The following ANO3 variants were observed in gnomAD, a reference collection of about 807,000 sequenced individuals.
ANO3 encodes anoctamin-3.
ANO3 carries 99 observed loss-of-function variants against 144.8 expected under a neutral mutation model. The ratio of observed to expected loss-of-function variants is 0.68; its 90% CI spans 0.58 to 0.81. The LOEUF (loss-of-function observed/expected upper bound fraction) is 0.81. ANO3 is among the 30% of genes least tolerant of loss of function. The pLI is 0.00. For synonymous variants in ANO3, 414 were observed against 392.6 expected (o/e 1.05, Z -0.64); for missense variants, 905 against 1,202.2 (o/e 0.75, Z 3.66).
At chr11:26,485,993 T>A (rs1269577341) in intron 4 of ANO3, among the ~76,000 whole-genome samples, 1 of 152,000 alleles carries the variant, frequency 6.6e-6, no homozygotes, top group African/African-American at 2.4e-5. Context: ...AACAAGTCAA[T>A]GAAAAATAAC....
intron 1 of ANO3, among the ~76,000 whole-genome samples, chr11:26,366,723 G>T (rs1255331266): frequency 3.3e-5 from 5 of 151,478 alleles, no homozygotes; most frequent in African/African-American, 1.2e-4. Context: ...TTTCTCTGAT[G>T]GCCAGTGATG....
chr11:26,450,748 A>G (rs556945160), intron 3 of ANO3, among the ~76,000 whole-genome samples: 1 of 151,362 alleles, frequency 6.6e-6, no homozygotes, highest in Non-Finnish European at 1.5e-5. Context: ...AAATTAGACA[A>G]TATTTGTCAG....
At chr11:26,519,805 AC>A (rs773161781) in intron 6 of ANO3, among the ~76,000 whole-genome samples, 1 of 152,150 alleles carries the variant, frequency 6.6e-6, no homozygotes, top group Non-Finnish European at 1.5e-5. Context: ...TGTTTGCCTT[AC>A]CCCTAATATT....
At chr11:26,257,609 T>G (rs1014512916) in intron 1 of ANO3, among the ~76,000 whole-genome samples, 1 of 152,084 alleles carries the variant, frequency 6.6e-6, no homozygotes, top group Non-Finnish European at 1.5e-5. Flanking sequence ...ACTTTAAAAT[T>G]TTAAAGTACC....
At chr11:26,479,104 A>G (rs1860099661) in intron 4 of ANO3, among the ~76,000 whole-genome samples, 1 of 152,200 alleles carries the variant, frequency 6.6e-6, no homozygotes, top group African/African-American at 2.4e-5. Context: ...GTAGAGTAAG[A>G]ATCCTGACAG....
chr11:26,214,380 A>G (rs1208899626), intron 1 of ANO3, among the ~76,000 whole-genome samples: 1 of 151,900 alleles, frequency 6.6e-6, no homozygotes, highest in Non-Finnish European at 1.5e-5. Flanking sequence ...TCCAATGGAG[A>G]ACTGTTAAGT....
At chr11:26,214,588 G>A (rs1852000550) in intron 1 of ANO3, among the ~76,000 whole-genome samples, 1 of 151,834 alleles carries the variant, frequency 6.6e-6, no homozygotes, top group South Asian at 2.1e-4. Context: ...CCATCTCAAT[G>A]TAGTATCTGA....
intron 14 of ANO3, among the ~76,000 whole-genome samples, chr11:26,597,938 G>C (rs553362167): frequency 3.3e-5 from 5 of 152,122 alleles, no homozygotes; most frequent in Non-Finnish European, 7.4e-5. Flanking sequence ...ACGAGAGTTT[G>C]TTCTTTTGTT....
intron 6 of ANO3, among the ~76,000 whole-genome samples, chr11:26,523,761 AT>A (rs1410295497): frequency 6.6e-6 from 1 of 152,124 alleles, no homozygotes; most frequent in African/African-American, 2.4e-5. Flanking sequence ...CTCCAAAAGC[AT>A]TTTCTCAAAG....
intron 24 of ANO3, among the ~76,000 whole-genome samples, chr11:26,653,945 T>C (rs1010027004): frequency 6.6e-6 from 1 of 152,168 alleles, no homozygotes; most frequent in Non-Finnish European, 1.5e-5. Context: ...CACCAAGGAT[T>C]GCAGTGCCAT....
At chr11:26,191,233 G>T (rs1401231641) in intron 1 of ANO3, among the ~76,000 whole-genome samples, 2 of 151,660 alleles carry the variant, frequency 1.3e-5, no homozygotes, top group Non-Finnish European at 2.9e-5. Flanking sequence ...AGCTGAGATT[G>T]CGCCATTGCA....
intron 14 of ANO3, chr11:26,565,757 G>T (rs754565029): frequency 6.2e-7 from 1 of 1,606,480 alleles, no homozygotes; most frequent in Non-Finnish European, 8.5e-7. Context: ...CTTCTGCAAT[G>T]TTCTGTGTTG....
chr11:26,622,660 T>C (rs1039103998), intron 17 of ANO3, among the ~76,000 whole-genome samples: 6 of 152,158 alleles, frequency 3.9e-5, no homozygotes, highest in African/African-American at 1.2e-4. Context: ...GCACGATGTA[T>C]GTGGTGCTAG....
At chr11:26,559,333 A>C (rs2134243356) in intron 13 of ANO3, 1 of 169,590 alleles carries the variant, frequency 5.9e-6, no homozygotes, top group East Asian at 1.6e-4. Flanking sequence ...CACTCCTAGA[A>C]GTTTTGCTAA....
intron 1 of ANO3, among the ~76,000 whole-genome samples, chr11:26,378,308 T>C (rs1182272993): frequency 6.7e-6 from 1 of 149,256 alleles, no homozygotes; most frequent in Non-Finnish European, 1.5e-5. Flanking sequence ...GTATACTATA[T>C]ATATAGATAG....
At chr11:26,461,676 A>C (rs1160695216) in intron 3 of ANO3, among the ~76,000 whole-genome samples, 1 of 152,096 alleles carries the variant, frequency 6.6e-6, no homozygotes, top group Non-Finnish European at 1.5e-5. Context: ...ATATGGGGGA[A>C]ACATATTATA....
intron 14 of ANO3, among the ~76,000 whole-genome samples, chr11:26,562,359 A>T (rs1368312145): frequency 2.0e-5 from 3 of 151,896 alleles, no homozygotes; most frequent in Non-Finnish European, 2.9e-5. Context: ...CATCAATGGG[A>T]CCCACCAGAA....
chr11:26,424,316 T>C (rs1857855695), intron 1 of ANO3, among the ~76,000 whole-genome samples: 1 of 151,628 alleles, frequency 6.6e-6, no homozygotes. Flanking sequence ...ATTTTTCACT[T>C]AACATGTCAC....
upstream of ANO3, among the ~76,000 whole-genome samples, chr11:26,329,052 A>C (rs561403066): frequency 1.3e-5 from 2 of 152,080 alleles, no homozygotes; most frequent in Admixed American, 1.3e-4. Context: ...CATGTCATTA[A>C]AATTTGGAGA....
Sources: gnomAD v4.1 joint callset for allele counts (sites outside exome capture counted in the v4.1 genomes callset) on GRCh38, gnomAD v4.1.1 for gene constraint, MANE v1.5 for transcripts, NCBI Gene and HGNC (gene_info 2026-07-23, HGNC 2026-07-21) for gene names.